The following FAT4 variants were observed in gnomAD, a reference collection of about 807,000 sequenced individuals.
FAT4 encodes protocadherin Fat 4.
FAT4 carries 84 observed loss-of-function variants against 303.9 expected under a neutral mutation model. The ratio of observed to expected loss-of-function variants is 0.28; its 90% CI spans 0.23 to 0.33. FAT4 has a LOEUF of 0.33. Ranked by LOEUF, FAT4 falls within the 10% of genes least tolerant of loss-of-function variation. The pLI is 1.00. For missense variants in FAT4, 6,005 were observed against 6,146.8 expected, an observed-to-expected ratio of 0.98 and a Z score of 0.77; for synonymous variants, 2,307 against 2,298.8, an observed-to-expected ratio of 1.00 and a Z score of -0.10.
chr4:125,396,955 TATATATATATAA>T (rs1194101079), intron 2 of FAT4, among the ~76,000 whole-genome samples: 45 of 71,818 alleles, frequency 6.3e-4, no homozygotes, highest in Middle Eastern at 0.011. Context: ...TATATATATA[TATATATATATAA>T]AATATGTATG....
At chr4:125,481,478 C>A in intron 15 of FAT4, 43 bp from the exon 16 acceptor site, 4 of 1,524,900 alleles carry the variant, frequency 2.6e-6, no homozygotes, top group Admixed American at 1.7e-5. Context: ...CAAGAAATGC[C>A]AAATGAATGC....
intron 5 of FAT4, among the ~76,000 whole-genome samples, chr4:125,412,823 A>T (rs1414567750): frequency 6.6e-6 from 1 of 151,870 alleles, no homozygotes; most frequent in African/African-American, 2.4e-5. Context: ...CTCTAGAATT[A>T]AATTTTATAT....
intron 8 of FAT4, among the ~76,000 whole-genome samples, chr4:125,441,520 T>G: frequency 6.6e-6 from 1 of 152,234 alleles, no homozygotes; most frequent in Non-Finnish European, 1.5e-5. Context: ...GGAAATGTTT[T>G]AAGCAGCAAG....
In FAT4 at chr4:125,491,407, T is replaced by C; in HGVS notation, c.14591T>C (p.Val4864Ala). Reference protein sequence around the residue: ...EMEYDREKPMVYTSRMPKLSQ... With the variant: ...EMEYDREKPMAYTSRMPKLSQ... ...GAATATGACAGGGAGAAGCCAATGG[T>C]ATATACTTCCAGAATGCCCAAATTA... is the stretch of plus-strand genomic sequence containing the variant. Residue 4864 changes from valine (V) to alanine (A), a missense_variant, in exon 18 of 18, where the codon GTA becomes GCA. Physicochemically the swap from Val to Ala is moderately conservative, Grantham distance 64. Coordinates refer to ENST00000394329, the MANE Select transcript of FAT4 (RefSeq NM_001291303.3). 1.2e-6 allele frequency: 2 copies of C among 1,614,076 alleles called. No homozygotes were observed. Among genetic ancestry groups the C allele is most frequent in the South Asian group, 2.2e-5 (2 of 91,090 alleles).
chr4:125,460,347 T>C (rs1333434508), intron 10 of FAT4, among the ~76,000 whole-genome samples: 1 of 152,020 alleles, frequency 6.6e-6, no homozygotes, highest in Admixed American at 6.6e-5. Context: ...TAAACTCATG[T>C]CACAGGGTTC....
At chr4:125,378,804 A>G (rs1733430571) in intron 2 of FAT4, among the ~76,000 whole-genome samples, 1 of 152,194 alleles carries the variant, frequency 6.6e-6, no homozygotes, top group Non-Finnish European at 1.5e-5. Flanking sequence ...TGCTACTATG[A>G]AAATTAAGAA....
chr4:125,337,526 C>T (rs1731620294), intron 2 of FAT4, among the ~76,000 whole-genome samples: 1 of 151,764 alleles, frequency 6.6e-6, no homozygotes, highest in Non-Finnish European at 1.5e-5. Context: ...TTAATAATGA[C>T]CCTGAGAGAA....
chr4:125,360,560 T>G (rs2125984543), intron 2 of FAT4, among the ~76,000 whole-genome samples: 1 of 152,280 alleles, frequency 6.6e-6, no homozygotes, highest in East Asian at 1.9e-4. Context: ...TCAAACCTAT[T>G]ATGTCTAAGG....
At chr4:125,443,793 G>C (rs1191751202) in intron 8 of FAT4, among the ~76,000 whole-genome samples, 2 of 152,132 alleles carry the variant, frequency 1.3e-5, no homozygotes, top group Non-Finnish European at 2.9e-5. Context: ...AGAAGCAAGA[G>C]AGGTCATCAG....
At chr4:125,486,938 T>G (rs559040261) in intron 16 of FAT4, among the ~76,000 whole-genome samples, 1 of 152,350 alleles carries the variant, frequency 6.6e-6, no homozygotes, top group Admixed American at 6.5e-5. Flanking sequence ...GCAAGTGGTT[T>G]TCACAATTTT....
At position 125,319,638 on chromosome 4, in the gene FAT4, C is replaced by G; in HGVS notation, c.3227C>G (p.Ala1076Gly). The G allele has an allele frequency of 1.2e-6, 2 of 1,613,876 alleles. No individual in the cohort carries two copies. The highest frequency in any genetic ancestry group is 1.7e-6 in the Non-Finnish European group (2 of 1,179,792). ...TTAATGGTTGTTGCTTCTGACAGAG[C>G]AGTGGAACCCCTTAGTGCTACTGTG... ...YVLMVVASDR[A>G]VEPLSATVNV... Residue 1076 changes from alanine (A) to glycine (G), a missense_variant, in exon 2 of 18, where the codon GCA becomes GGA. Coordinates refer to ENST00000394329, the MANE Select transcript of FAT4 (RefSeq NM_001291303.3).
At chr4:125,446,670 T>A (rs879688145) in intron 9 of FAT4, 127 bp downstream of exon 9, 10 of 967,660 alleles carry the variant, frequency 1.0e-5, no homozygotes, top group Non-Finnish European at 1.4e-5. Context: ...TCCTCTAAAA[T>A]TCAGGTTGTT....
In FAT4 at chr4:125,469,871, G is replaced by A. The variant is rs572074639; in HGVS notation, c.12213+1052G>A. Among the ~76,000 whole-genome samples, 16 of 152,210 alleles carry A rather than the reference G, an allele frequency of 1.1e-4. No individual in the cohort carries two copies. The South Asian group carries it at 3.3e-3, about 32-fold the overall frequency. The stretch of plus-strand genomic sequence containing the variant: ...CCATTAATCATGAATGTTCTTCATG[G>A]CATCTAGAATGGTGACTCCTTTCCA... On this transcript the variant is annotated intron_variant, in intron 12 of 17. Transcript: ENST00000394329.
Position 125,468,642 on chromosome 4 carries a change from A to T in FAT4, c.12036A>T (p.Leu4012Phe). The T allele has an allele frequency of 6.2e-7, 1 of 1,614,124 alleles. No individual in the cohort carries two copies. The highest frequency in any genetic ancestry group is 8.5e-7 in the Non-Finnish European group (1 of 1,180,020). The change falls in exon 12 of 18, where the codon TTA (leucine) becomes TTT (phenylalanine). Residue 4012 changes from leucine to phenylalanine, a missense_variant. Leu to Phe is a conservative substitution (Grantham distance 22). Coordinates refer to ENST00000394329, the MANE Select transcript of FAT4 (RefSeq NM_001291303.3). ...TTGCCACGATTAAAAGTCATGCCTT[A>T]TTGCTTTACAACTATGACAACCAGA... ...VKFATIKSHA[L>F]LLYNYDNQTG... is the part of the protein sequence containing the mutation.
Position 125,448,715 on chromosome 4 carries a change from G to C in FAT4, c.7705G>C (p.Val2569Leu), listed in dbSNP as rs770828538. The C allele has an allele frequency of 6.2e-7, 1 of 1,613,768 alleles. No individual in the cohort carries two copies. The highest frequency in any genetic ancestry group is 1.3e-5 in the African/African-American group (1 of 74,886). ...RFVNKADFPK[V>L]RAKEQTFMFP... The stretch of plus-strand genomic sequence containing the variant: ...CGTGAATAAGGCCGATTTCCCTAAA[G>C]TGAGAGCCAAAGAACAAACGTTCAT... Residue 2569 changes from valine to leucine, a missense_variant, in exon 10 of 18, where the codon GTG (valine) becomes CTG (leucine). Physicochemically the swap from Val to Leu is conservative, Grantham distance 32 (BLOSUM62 1). Transcript: ENST00000394329.
In FAT4 at chr4:125,415,521, T is replaced by C; in HGVS notation, c.6558T>C (p.Asn2186=). The C allele has an allele frequency of 6.2e-7, 1 of 1,614,102 alleles. No individual in the cohort carries two copies. Among genetic ancestry groups the C allele is most frequent in the Non-Finnish European group, 8.5e-7 (1 of 1,179,978 alleles). The change falls in exon 6 of 18, where the codon AAT becomes AAC. Residue 2186 remains asparagine (N), a synonymous_variant. Transcript: ENST00000394329. Reference sequence around the variant, plus strand: ...CAGCAGATGGAGATGAAGGCACAAATGGACAGGTTCGCTATGGCATTGTTA... The same window carrying C: ...CAGCAGATGGAGATGAAGGCACAAACGGACAGGTTCGCTATGGCATTGTTA... ...VFAADGDEGT[N]GQVRYGIVNG...
intron 8 of FAT4, among the ~76,000 whole-genome samples, chr4:125,444,757 T>A (rs6850379): frequency 0.99 from 150,834 of 152,174 alleles, 74,768 homozygotes; most frequent in Non-Finnish European, 1. Context: ...ATTATAAAAC[T>A]AAAAAAGTTT....
Position 125,452,235 on chromosome 4 carries a change from A to G in FAT4, c.11225A>G (p.Gln3742Arg), listed in dbSNP as rs1192105646. 1.2e-6 allele frequency: 2 copies of G among 1,614,252 alleles called. No homozygotes were observed. Among genetic ancestry groups the G allele is most frequent in the Non-Finnish European group, 1.7e-6 (2 of 1,180,042 alleles). Residue 3742 changes from glutamine (Q) to arginine (R), a missense_variant, in exon 10 of 18, where the codon CAG becomes CGG. By Grantham distance (43) the Gln-to-Arg change is conservative (BLOSUM62 1). Transcript: ENST00000394329. ...YLHFLRIASS[Q>R]LTGLGTAVQL... is the part of the protein sequence containing the mutation. ...CATTTTTTACGCATTGCCAGCTCAC[A>G]GCTGACAGGCTTAGGGACTGCTGTG...
intron 10 of FAT4, among the ~76,000 whole-genome samples, chr4:125,462,108 A>G (rs913639697): frequency 6.6e-6 from 1 of 151,956 alleles, no homozygotes; most frequent in Non-Finnish European, 1.5e-5. Context: ...AAGGGAAAAA[A>G]TGTTGTGTTT....
Sources: allele counts gnomAD v4.1 joint callset (sites outside exome capture counted in the v4.1 genomes callset), GRCh38; gene constraint gnomAD v4.1.1; transcripts MANE v1.5; gene names NCBI Gene and HGNC (gene_info 2026-07-23, HGNC 2026-07-21).